NRG3: variants seen among roughly 807,000 people sequenced by gnomAD.
NRG3 encodes the protein neuregulin 3, also known as pro-neuregulin-3, membrane-bound isoform.
In NRG3, 31 loss-of-function variants were observed where a neutral mutation model predicts 66.9. That is an observed-to-expected ratio of 0.46 (90% CI 0.35 to 0.63). The LOEUF (loss-of-function observed/expected upper bound fraction) is 0.63, where lower values mean the gene tolerates loss of function less well. NRG3 is among the 20% of genes least tolerant of loss of function. NRG3 has a pLI of 0.00. For missense variants in NRG3, 910 were observed against 878.9 expected, an observed-to-expected ratio of 1.04 and a Z score of -0.45; for synonymous variants, 393 against 359.4, an observed-to-expected ratio of 1.09 and a Z score of -1.06.
At chr10:82,041,032 A>G (rs2133009554) in intron 1 of NRG3, among the ~76,000 whole-genome samples, 1 of 152,220 alleles carries the variant, frequency 6.6e-6, no homozygotes, top group East Asian at 1.9e-4. Flanking sequence ...GGAAGGACCA[A>G]ATGCCATGCA....
At chr10:82,367,456 T>C (rs943532177) in intron 2 of NRG3, among the ~76,000 whole-genome samples, 3 of 152,292 alleles carry the variant, frequency 2.0e-5, no homozygotes, top group Non-Finnish European at 4.4e-5. Context: ...TTATCAAACT[T>C]TCTTTGTACT....
chr10:82,930,397 C>T (rs888862993), intron 4 of NRG3, among the ~76,000 whole-genome samples: 12 of 152,148 alleles, frequency 7.9e-5, no homozygotes, highest in African/African-American at 2.9e-4. Flanking sequence ...TTCAGAGACA[C>T]TTCAGGGATA....
At chr10:81,963,684 G>T (rs1387297142) in intron 1 of NRG3, among the ~76,000 whole-genome samples, 2 of 152,140 alleles carry the variant, frequency 1.3e-5, no homozygotes, top group Admixed American at 6.5e-5. Flanking sequence ...TACACGACGG[G>T]ACACACGTCC....
chr10:82,277,756 T>A (rs2078926377), intron 1 of NRG3, among the ~76,000 whole-genome samples: 6 of 152,200 alleles, frequency 3.9e-5, no homozygotes, highest in Admixed American at 3.9e-4. Context: ...GCTCAAATAA[T>A]GTTTAAATGT....
intron 1 of NRG3, among the ~76,000 whole-genome samples, chr10:82,202,207 G>A (rs75056682): frequency 6.6e-6 from 1 of 152,184 alleles, no homozygotes; most frequent in Non-Finnish European, 1.5e-5. Flanking sequence ...TAAGCCCCCT[G>A]ACTCACACAC....
intron 1 of NRG3, chr10:82,230,170 A>T (rs2076388474): frequency 6.6e-6 from 1 of 152,194 alleles, no homozygotes; most frequent in South Asian, 2.1e-4. Flanking sequence ...TATGAAAAAA[A>T]TTATGCAAAA....
intron 1 of NRG3, among the ~76,000 whole-genome samples, chr10:82,031,713 A>G (rs2062576645): frequency 6.6e-6 from 1 of 152,092 alleles, no homozygotes; most frequent in African/African-American, 2.4e-5. Flanking sequence ...CTTCTTGATC[A>G]TTGACAATTC....
chr10:82,157,618 A>G (rs1184868608), intron 1 of NRG3, among the ~76,000 whole-genome samples: 2 of 151,586 alleles, frequency 1.3e-5, no homozygotes, highest in African/African-American at 4.8e-5. Context: ...GGAGGTCAGG[A>G]AAGTCTGTAA....
chr10:82,856,765 A>C (rs1475599260), intron 3 of NRG3, among the ~76,000 whole-genome samples: 1 of 150,966 alleles, frequency 6.6e-6, no homozygotes, highest in Admixed American at 6.6e-5. Context: ...ACAAAAAAAA[A>C]AAAAAAAAGA....
chr10:82,083,060 C>G lies in NRG3; in HGVS notation c.823+206897C>G, dbSNP rs181326924. 2.3e-3 allele frequency among the ~76,000 whole-genome samples: 348 copies of G among 151,918 alleles called. 6 individuals are homozygous for G. Among genetic ancestry groups the G allele is most frequent in the Non-Finnish European group, 5.9e-4 (40 of 67,970 alleles). On this transcript the variant is annotated intron_variant, in intron 1 of 8. Transcript: ENST00000372141. ...GACTCAAGCGATCCTCCCTCCATAG[C>G]CTCCCAAAGTACTGGGATTACGAGT...
At chr10:82,660,279 A>G (rs1251472155) in intron 2 of NRG3, among the ~76,000 whole-genome samples, 1 of 150,414 alleles carries the variant, frequency 6.6e-6, no homozygotes, top group Non-Finnish European at 1.5e-5. Context: ...TAGATAAAAT[A>G]AATTGCCCAG....
At chr10:82,741,142 G>A (rs1241448843) in intron 3 of NRG3, among the ~76,000 whole-genome samples, 6 of 152,114 alleles carry the variant, frequency 3.9e-5, no homozygotes. Flanking sequence ...AAAGCATTAT[G>A]TCTTGCATTC....
chr10:81,999,126 T>A (rs973101668), intron 1 of NRG3, among the ~76,000 whole-genome samples: 2 of 152,188 alleles, frequency 1.3e-5, no homozygotes, highest in African/African-American at 2.4e-5. Context: ...TAAAGAGAAA[T>A]ACCTTTTTAG....
intron 1 of NRG3, among the ~76,000 whole-genome samples, chr10:82,308,401 T>C (rs946342534): frequency 6.6e-6 from 1 of 152,152 alleles, no homozygotes; most frequent in African/African-American, 2.4e-5. Flanking sequence ...AAGGCCATTT[T>C]TGATGGGGCT....
At chr10:82,524,593 A>G (rs1480843421) in intron 2 of NRG3, among the ~76,000 whole-genome samples, 1 of 151,880 alleles carries the variant, frequency 6.6e-6, no homozygotes, top group Non-Finnish European at 1.5e-5. Context: ...AGATATATAT[A>G]ATCACTTTTA....
chr10:82,465,168 G>A lies in NRG3; in HGVS notation c.953+106300G>A, dbSNP rs562786819. On this transcript the variant is annotated intron_variant, in intron 2 of 8. Transcript: ENST00000372141. ...ATAATGGGGCTATTAACTAAATAAC[G>A]GTGCTGGCACAAAGAAACAGCCATG... Among the ~76,000 whole-genome samples, 14 of 152,312 alleles carry A rather than the reference G, an allele frequency of 9.2e-5. No homozygotes were observed. The East Asian group carries it at 1.9e-3, about 21-fold the overall frequency.
chr10:82,638,925 G>A (rs2050379805), intron 2 of NRG3, among the ~76,000 whole-genome samples: 1 of 152,128 alleles, frequency 6.6e-6, no homozygotes, highest in South Asian at 2.1e-4. Flanking sequence ...GATTACAAGT[G>A]TGAGCCACTG....
intron 1 of NRG3, among the ~76,000 whole-genome samples, chr10:81,922,165 A>G (rs2132879682): frequency 6.6e-6 from 1 of 152,210 alleles, no homozygotes; most frequent in East Asian, 1.9e-4. Flanking sequence ...ATCATTTGTT[A>G]AAAAATTTTT....
chr10:82,526,974 T>C (rs1475911354), intron 2 of NRG3, among the ~76,000 whole-genome samples: 2 of 152,094 alleles, frequency 1.3e-5, no homozygotes, highest in Non-Finnish European at 2.9e-5. Flanking sequence ...TATCTATTGA[T>C]AGTATGTTTG....
Sources: gnomAD v4.1 joint callset for allele counts (sites outside exome capture counted in the v4.1 genomes callset) on GRCh38, gnomAD v4.1.1 for gene constraint, MANE v1.5 for transcripts, NCBI Gene and HGNC (gene_info 2026-07-23, HGNC 2026-07-21) for gene names.